The following ANAPC4 variants were observed in gnomAD, a reference collection of about 807,000 sequenced individuals.
The protein encoded by ANAPC4 is anaphase promoting complex subunit 4.
Under a neutral mutation model 119.8 loss-of-function variants are expected in ANAPC4, and 63 were observed. The observed-to-expected ratio is 0.53, with a 90% CI of 0.43 to 0.65. The LOEUF is 0.65. Ranked by LOEUF, ANAPC4 falls within the 30% of genes least tolerant of loss-of-function variation. ANAPC4 has a pLI of 0.00. For missense variants in ANAPC4, 716 were observed against 945.1 expected (o/e 0.76, Z 3.18); for synonymous variants, 283 against 318.6 (o/e 0.89, Z 1.19).
At chr4:25,394,520 G>A (rs1438753717) in intron 12 of ANAPC4, 146 bp downstream of exon 12, 34 of 1,003,030 alleles carry the variant, frequency 3.4e-5, no homozygotes, top group South Asian at 1.6e-4. Flanking sequence ...ACATACTTAC[G>A]GGGTATATGT....
At chr4:25,391,730 A>T (rs1722356582) in intron 9 of ANAPC4, among the ~76,000 whole-genome samples, 1 of 152,274 alleles carries the variant, frequency 6.6e-6, no homozygotes, top group South Asian at 2.1e-4. Context: ...AAACAAAAGT[A>T]GAACAAAAAA....
rs756697299 is a variant in ANAPC4 at position 25,413,647 on chromosome 4, A to G, written c.1528A>G (p.Ser510Gly). ...FLQNSSHLKE[S>G]PLLFPYYPRK... ...TTTCTGTTTTTGTTTGAAACCAGAAAGTCCTTTGCTGTTTCCTTATTATCC... is the reference window on the plus strand; with the variant it reads ...TTTCTGTTTTTGTTTGAAACCAGAAGGTCCTTTGCTGTTTCCTTATTATCC... The change falls in exon 22 of 29, where the codon AGT becomes GGT. Residue 510 changes from serine to glycine, a missense_variant and splice_region_variant. Ser to Gly is a moderately conservative substitution (Grantham distance 56). Transcript: ENST00000315368. The G allele has an allele frequency of 6.2e-7, 1 of 1,607,754 alleles. No individual in the cohort carries two copies. The highest frequency in any genetic ancestry group is 1.1e-5 in the South Asian group (1 of 88,902).
rs1722330783 is a variant in ANAPC4, at chr4:25,391,245, A to C, written c.705+230A>C. On this transcript the variant is annotated intron_variant, in intron 9 of 28. Transcript: ENST00000315368. The stretch of plus-strand genomic sequence containing the variant: ...AAAGTGTTTTGGTGGTCTATTAATG[A>C]CCATATTAATTTGTTGCTATTCCAG... 7.9e-5 allele frequency among the ~76,000 whole-genome samples: 12 copies of C among 152,208 alleles called. No individual in the cohort carries two copies. In the South Asian group the frequency reaches 2.5e-3, roughly 31 times the overall value.
chr4:25,387,378 T>C (rs907801825), intron 4 of ANAPC4, among the ~76,000 whole-genome samples: 2 of 152,236 alleles, frequency 1.3e-5, no homozygotes, highest in Non-Finnish European at 2.9e-5. Context: ...TTGCCAGCTT[T>C]CCTAAGGGAA....
intron 7 of ANAPC4, 49 bp downstream of exon 7, chr4:25,388,931 T>C (rs755145734): frequency 2.8e-6 from 4 of 1,440,468 alleles, no homozygotes; most frequent in Middle Eastern, 2.5e-4. Context: ...TATTTCATAT[T>C]TGAGGCAGTT....
chr4:25,391,823 T>C (rs571469975), intron 9 of ANAPC4, among the ~76,000 whole-genome samples: 13 of 152,260 alleles, frequency 8.5e-5, no homozygotes, highest in African/African-American at 2.9e-4. Context: ...TACTGTTCAC[T>C]ATGGTAATGG....
At chr4:25,380,938 T>TG (rs1300553236) in intron 3 of ANAPC4, among the ~76,000 whole-genome samples, 1 of 152,246 alleles carries the variant, frequency 6.6e-6, no homozygotes, top group East Asian at 1.9e-4. Flanking sequence ...CTATCACCTT[T>TG]GACCCCATAC....
intron 17 of ANAPC4, 149 bp downstream of exon 17, chr4:25,403,175 A>G (rs1176083939): frequency 2.1e-6 from 1 of 483,916 alleles, no homozygotes; most frequent in Non-Finnish European, 3.5e-6. Context: ...ACCTAGCTTC[A>G]GCAGTTATCA....
At chr4:25,383,452 G>A in intron 4 of ANAPC4, 59 bp downstream of exon 4, 2 of 1,458,448 alleles carry the variant, frequency 1.4e-6, no homozygotes, top group South Asian at 1.5e-5. Context: ...TTTTTGAAAT[G>A]GAAACTTAGG....
chr4:25,415,596 T>A, intron 26 of ANAPC4, 56 bp downstream of exon 26: 1 of 1,471,210 alleles, frequency 6.8e-7, no homozygotes, highest in Non-Finnish European at 9.4e-7. Flanking sequence ...TGTGTATATG[T>A]TTAGGAATAG....
In ANAPC4 at chr4:25,379,511, A is replaced by G. The variant is rs116019998; in HGVS notation, c.130-863A>G. On this transcript the variant is annotated intron_variant, in intron 2 of 28. Coordinates refer to ENST00000315368, the MANE Select transcript of ANAPC4 (RefSeq NM_013367.3). ...TCTCCTAGCCCAAAAGCAGCAGTAC[A>G]GGGGCTGTGGGATACAAAATGGCCA... 6.8e-3 allele frequency among the ~76,000 whole-genome samples: 1,039 copies of G among 152,314 alleles called. 9 individuals carry two copies. The highest frequency in any genetic ancestry group is 0.024 in the African/African-American group (979 of 41,564).
Position 25,394,874 on chromosome 4 carries a change from A to T in ANAPC4, c.1030A>T (p.Ile344Leu), listed in dbSNP as rs1323155650. The change falls in exon 14 of 29, where the codon ATA becomes TTA. Residue 344 changes from isoleucine (I) to leucine (L), a missense_variant. Transcript: ENST00000315368. ...GQSIESSYSS[I>L]QKLVISHLQS... Reference sequence around the variant, plus strand: ...GTCTATAGAGTCATCATACTCCAGTATACAAAAATTGGTCATAAGTCATTT... The same window carrying T: ...GTCTATAGAGTCATCATACTCCAGTTTACAAAAATTGGTCATAAGTCATTT... 6.2e-7 allele frequency: 1 copy of T among 1,613,486 alleles called. No homozygotes were observed. Among genetic ancestry groups the T allele is most frequent in the African/African-American group, 1.3e-5 (1 of 75,028 alleles).
Position 25,406,900 on chromosome 4 carries a change from T to C in ANAPC4, c.1374+15T>C, listed in dbSNP as rs779982196. On this transcript the variant is annotated intron_variant, in intron 19 of 28. Transcript: ENST00000315368. ...ATTTCAATGAGGTAAGAAGTTGATA[T>C]TTCTGTAATGCAGTTTAAAAAAAAA... 6.4e-7 allele frequency: 1 copy of C among 1,565,154 alleles called. No individual in the cohort carries two copies. The highest frequency in any genetic ancestry group is 1.2e-5 in the South Asian group (1 of 84,516).
chr4:25,405,947 G>A lies in ANAPC4; in HGVS notation c.1317+328G>A, dbSNP rs1019190067. 1.3e-5 allele frequency among the ~76,000 whole-genome samples: 2 copies of A among 152,102 alleles called. No individual in the cohort carries two copies. Among genetic ancestry groups the A allele is most frequent in the African/African-American group, 4.8e-5 (2 of 41,408 alleles). ...TTCTTATTTTCCTTGGAAATCAGGT[G>A]CTTAGATATTAGTCCCTGTGTTGAT... is the stretch of plus-strand genomic sequence containing the variant. On this transcript the variant is annotated intron_variant, in intron 18 of 28. Transcript: ENST00000315368. The surrounding 1 kb of genome is among the most constrained non-coding windows in gnomAD (Gnocchi z 4.6).
At chr4:25,417,479 A>G in intron 27 of ANAPC4, 137 bp from the exon 28 acceptor site, 3 of 901,236 alleles carry the variant, frequency 3.3e-6, no homozygotes, top group South Asian at 3.1e-5. Context: ...TTCTAACACA[A>G]CAGTTGCTAA....
chr4:25,383,725 A>G (rs1357631797), intron 4 of ANAPC4, among the ~76,000 whole-genome samples: 4 of 152,238 alleles, frequency 2.6e-5, no homozygotes, highest in African/African-American at 9.6e-5. Flanking sequence ...TAAATGTGCA[A>G]TGACATCATG....
At chr4:25,392,559 C>A in intron 10 of ANAPC4, 138 bp downstream of exon 10, 1 of 603,572 alleles carries the variant, frequency 1.7e-6, no homozygotes, top group Non-Finnish European at 2.9e-6. Flanking sequence ...TTATAAGGTC[C>A]ATTAAAGCAG....
At chr4:25,392,254 A>G (rs911637152) in intron 9 of ANAPC4, 84 bp from the exon 10 acceptor site, 5 of 920,774 alleles carry the variant, frequency 5.4e-6, no homozygotes, top group Middle Eastern at 2.1e-4. Context: ...TCTTTCTGAT[A>G]CGTAGTTTGA....
At chr4:25,412,644 G>A (rs747106860) in intron 21 of ANAPC4, among the ~76,000 whole-genome samples, 2 of 151,866 alleles carry the variant, frequency 1.3e-5, no homozygotes, top group Admixed American at 6.6e-5. Context: ...CCTGTTACTC[G>A]GGACACTGAG....
Sources: allele counts gnomAD v4.1 joint callset (sites outside exome capture counted in the v4.1 genomes callset), GRCh38; gene constraint gnomAD v4.1.1; non-coding constraint Gnocchi (gnomAD v3.1); transcripts MANE v1.5; gene names NCBI Gene and HGNC (gene_info 2026-07-23, HGNC 2026-07-21).